Variants in GPR89B observed in about 807,000 individuals in gnomAD.
The protein encoded by GPR89B is G protein-coupled receptor 89B.
GPR89B carries 25 observed loss-of-function variants against 52.4 expected under a neutral mutation model. The observed-to-expected ratio is 0.48, with a 90% CI of 0.35 to 0.67. The LOEUF (loss-of-function observed/expected upper bound fraction) is 0.67, where lower values mean the gene tolerates loss of function less well. Ranked by LOEUF, GPR89B falls within the 30% of genes least tolerant of loss-of-function variation. The pLI is 0.01. For missense variants in GPR89B, 146 were observed against 450.2 expected, an observed-to-expected ratio of 0.32 and a Z score of 6.11; for synonymous variants, 52 against 151.2, an observed-to-expected ratio of 0.34 and a Z score of 4.81.
intron 1 of GPR89B, among the ~76,000 whole-genome samples, chr1:147,932,229 A>G (rs587725507): frequency 6.6e-6 from 1 of 152,238 alleles, no homozygotes; most frequent in Non-Finnish European, 1.5e-5. Context: ...AAATATTTAT[A>G]ATAGCCAAAG....
At chr1:147,962,435 A>G (rs1175116683) in intron 7 of GPR89B, among the ~76,000 whole-genome samples, 10 of 151,254 alleles carry the variant, frequency 6.6e-5, no homozygotes, top group Non-Finnish European at 1.0e-4. Flanking sequence ...AAAAAAAAAA[A>G]AAAAGAAAAG....
intron 10 of GPR89B, among the ~76,000 whole-genome samples, chr1:147,980,932 G>T (rs1658201015): frequency 7.0e-6 from 1 of 142,956 alleles, no homozygotes; most frequent in Non-Finnish European, 1.5e-5. Flanking sequence ...TCTATTTTCT[G>T]TCTCTGTAGA....
chr1:148,022,223 G>T, the GPR89B span, among the ~76,000 whole-genome samples: 6 of 151,298 alleles, frequency 4.0e-5, no homozygotes, highest in East Asian at 1.2e-3. Flanking sequence ...AGTTTCAGGA[G>T]CTGGTCAGCA....
At chr1:147,968,428 G>A (rs1657188440) in intron 8 of GPR89B, 1 of 454,390 alleles carries the variant, frequency 2.2e-6, no homozygotes, top group Non-Finnish European at 4.4e-6. Flanking sequence ...AAAGAAATAA[G>A]GTAATGTCTG....
At chr1:147,946,912 C>A (rs1323178410) in intron 5 of GPR89B, among the ~76,000 whole-genome samples, 3 of 152,114 alleles carry the variant, frequency 2.0e-5, no homozygotes, top group Non-Finnish European at 2.9e-5. Flanking sequence ...TTTATTTAAC[C>A]CTCTAAGATA....
chr1:148,008,592 G>A, the GPR89B span, among the ~76,000 whole-genome samples: 1 of 152,158 alleles, frequency 6.6e-6, no homozygotes, highest in Non-Finnish European at 1.5e-5. Context: ...AGAAGGAATC[G>A]ACCAGCTAAC....
At chr1:148,014,995 C>G in the GPR89B span, 1 of 151,842 alleles carries the variant, frequency 6.6e-6, no homozygotes, top group Admixed American at 6.6e-5. Context: ...CTGCAAAAGA[C>G]GGTGGCTCCG....
chr1:147,947,478 A>G (rs1655083420), intron 5 of GPR89B, among the ~76,000 whole-genome samples: 1 of 151,874 alleles, frequency 6.6e-6, no homozygotes, highest in Admixed American at 6.6e-5. Context: ...GACTGTAAGG[A>G]ATCTGTGTGA....
chr1:148,021,012 G>T, the GPR89B span, among the ~76,000 whole-genome samples: 1 of 151,126 alleles, frequency 6.6e-6, no homozygotes, highest in Non-Finnish European at 1.5e-5. Context: ...CCGAGACTTT[G>T]CAGAGACTGT....
intron 5 of GPR89B, among the ~76,000 whole-genome samples, chr1:147,949,102 C>G (rs1655273084): frequency 6.6e-6 from 1 of 152,132 alleles, no homozygotes; most frequent in Non-Finnish European, 1.5e-5. Flanking sequence ...AACAGGATCA[C>G]AAGGCAGAAG....
intron 5 of GPR89B, among the ~76,000 whole-genome samples, chr1:147,950,610 G>C (rs1255498215): frequency 2.0e-5 from 3 of 152,204 alleles, no homozygotes; most frequent in Non-Finnish European, 4.4e-5. Context: ...GTAGTGAGCC[G>C]AGATCACGCC....
At chr1:148,015,439 C>T in the GPR89B span, among the ~76,000 whole-genome samples, 2 of 148,346 alleles carry the variant, frequency 1.3e-5, no homozygotes, top group South Asian at 2.2e-4. Context: ...CTCAGCCTCC[C>T]GAGTAGCTGG....
At chr1:148,009,384 T>C in the GPR89B span, 11 of 1,611,902 alleles carry the variant, frequency 6.8e-6, no homozygotes, top group Non-Finnish European at 8.5e-6. Flanking sequence ...GCCTCCCTCC[T>C]TCACGAGATA....
intron 7 of GPR89B, among the ~76,000 whole-genome samples, chr1:147,957,808 T>C (rs1656229947): frequency 1.3e-5 from 2 of 152,086 alleles, no homozygotes; most frequent in East Asian, 1.9e-4. Flanking sequence ...CTCACGCCTG[T>C]AATCCCAGCA....
the GPR89B span, among the ~76,000 whole-genome samples, chr1:147,998,925 C>T: frequency 1.3e-5 from 2 of 149,894 alleles, no homozygotes; most frequent in East Asian, 3.9e-4. Context: ...ATGCTTCATT[C>T]AGATAATTGG....
At chr1:147,946,481 A>G (rs1553249793) in intron 5 of GPR89B, among the ~76,000 whole-genome samples, 2 of 152,222 alleles carry the variant, frequency 1.3e-5, no homozygotes, top group African/African-American at 4.8e-5. Flanking sequence ...GAAGGGAACG[A>G]CTTGCACTAA....
At chr1:147,962,192 G>A (rs1246122898) in intron 7 of GPR89B, among the ~76,000 whole-genome samples, 2 of 151,642 alleles carry the variant, frequency 1.3e-5, no homozygotes, top group East Asian at 3.9e-4. Context: ...GGGAGGCTGA[G>A]GCAGGTAGAT....
chr1:147,988,058 G>A (rs1420578644), intron 11 of GPR89B, among the ~76,000 whole-genome samples: 1 of 151,876 alleles, frequency 6.6e-6, no homozygotes, highest in Non-Finnish European at 1.5e-5. Context: ...TTTTATCACT[G>A]CTTGGTACTT....
At chr1:147,971,449 C>G (rs1216542119) in intron 10 of GPR89B, among the ~76,000 whole-genome samples, 4 of 145,026 alleles carry the variant, frequency 2.8e-5, no homozygotes, top group East Asian at 2.1e-4. Context: ...TCACACCCGG[C>G]CTAGGGAAGC....
Sources: gnomAD v4.1 joint callset for allele counts (sites outside exome capture counted in the v4.1 genomes callset) on GRCh38, gnomAD v4.1.1 for gene constraint, MANE v1.5 for transcripts, NCBI Gene and HGNC (gene_info 2026-07-23, HGNC 2026-07-21) for gene names.